SYT17: variants seen among roughly 807,000 people sequenced by gnomAD.
SYT17 encodes synaptotagmin-17.
In SYT17, 22 loss-of-function variants were observed where a neutral mutation model predicts 46.7. That is an observed-to-expected ratio of 0.47 (90% confidence interval 0.34 to 0.67). The LOEUF is 0.67. Among genes scored for constraint, SYT17 ranks in the 30% least tolerant of loss-of-function variants. The pLI is 0.01. For synonymous variants in SYT17, 251 were observed against 248.4 expected (o/e 1.01, Z -0.10); for missense variants, 519 against 612.8 (o/e 0.85, Z 1.62).
intron 5 of SYT17, among the ~76,000 whole-genome samples, chr16:19,203,463 T>C (rs551644915): frequency 3.3e-5 from 5 of 152,244 alleles, no homozygotes; most frequent in South Asian, 2.1e-4. Flanking sequence ...AATGACATAA[T>C]GTGATAAGAA....
intron 7 of SYT17, among the ~76,000 whole-genome samples, chr16:19,250,436 C>T (rs1253493653): frequency 6.6e-6 from 1 of 150,944 alleles, no homozygotes; most frequent in Non-Finnish European, 1.5e-5. Context: ...ATTGCCCAGG[C>T]TGGAGTGCAG....
chr16:19,184,729 C>T (rs1964713961), intron 5 of SYT17, among the ~76,000 whole-genome samples: 1 of 152,010 alleles, frequency 6.6e-6, no homozygotes, highest in South Asian at 2.1e-4. Flanking sequence ...CTCTGGAAGC[C>T]TTTTTTAAAT....
chr16:19,226,062 A>G (rs1440088160), intron 7 of SYT17, among the ~76,000 whole-genome samples: 1 of 152,118 alleles, frequency 6.6e-6, no homozygotes, highest in Non-Finnish European at 1.5e-5. Context: ...TTGTGTTCTA[A>G]TTACAGTATG....
intron 5 of SYT17, among the ~76,000 whole-genome samples, chr16:19,210,606 A>G (rs191393373): frequency 1.3e-5 from 2 of 152,250 alleles, no homozygotes; most frequent in African/African-American, 4.8e-5. Flanking sequence ...CTGGGAAAAA[A>G]AGTGAAGAGA....
intron 7 of SYT17, among the ~76,000 whole-genome samples, chr16:19,259,489 A>G (rs1021421660): frequency 6.6e-6 from 1 of 152,156 alleles, no homozygotes; most frequent in South Asian, 2.1e-4. Flanking sequence ...GTTCCATTCT[A>G]TTGTAGTTTT....
intron 1 of SYT17, chr16:19,171,328 T>TG (rs1304041555): frequency 6.5e-5 from 9 of 138,522 alleles, no homozygotes; most frequent in East Asian, 2.6e-4. Context: ...TGATGATGAT[T>TG]ATGATTATTA....
intron 5 of SYT17, among the ~76,000 whole-genome samples, chr16:19,199,814 C>T (rs6497334): frequency 0.18 from 26,634 of 152,110 alleles, 2,495 homozygotes; most frequent in African/African-American, 0.23. Flanking sequence ...ATAAGAAAAA[C>T]GTCTTTACAT....
At chr16:19,265,477 CT>C (rs934405037) in intron 7 of SYT17, among the ~76,000 whole-genome samples, 22 of 152,056 alleles carry the variant, frequency 1.4e-4, no homozygotes, top group African/African-American at 5.3e-4. Context: ...TTCCATTTTT[CT>C]TTTTTCTCCC....
chr16:19,177,681 A>T (rs1964368752), intron 3 of SYT17, among the ~76,000 whole-genome samples: 1 of 152,050 alleles, frequency 6.6e-6, no homozygotes, highest in Non-Finnish European at 1.5e-5. Context: ...GATCTTGGGG[A>T]TACATTAATT....
rs541551204 is a variant in SYT17 at position 19,184,669 on chromosome 16, GTCTT to G, written c.951+526_951+529del. Among the ~76,000 whole-genome samples the G allele has an allele frequency of 7.9e-5, 12 of 151,890 alleles. No individual in the cohort carries two copies. The South Asian group carries it at 1.9e-3, about 24-fold the overall frequency. ...TTTTACATGCATCACTCATGTGTGT[GTCTT>G]TCTGTGAAAATTTATCACATGTATA... On this transcript the variant is annotated intron_variant, in intron 5 of 7. Coordinates refer to ENST00000355377, the MANE Select transcript of SYT17 (RefSeq NM_016524.4).
chr16:19,205,821 A>G (rs78409159), intron 5 of SYT17, among the ~76,000 whole-genome samples: 6,581 of 152,258 alleles, frequency 0.043, 492 homozygotes, highest in African/African-American at 0.15. Flanking sequence ...ATCACTTTCT[A>G]TCCCCGATGC....
At chr16:19,245,977 A>G (rs1232523608) in intron 7 of SYT17, among the ~76,000 whole-genome samples, 1 of 152,032 alleles carries the variant, frequency 6.6e-6, no homozygotes, top group Non-Finnish European at 1.5e-5. Context: ...ATTATTATTT[A>G]GATATAATTC....
Position 19,168,501 on chromosome 16 carries a change from T to C in SYT17, c.-146T>C. The C allele has an allele frequency of 1.8e-6, 2 of 1,137,592 alleles. No homozygotes were observed. Among genetic ancestry groups the C allele is most frequent in the Middle Eastern group, 5.3e-4 (2 of 3,778 alleles). 70.5% of individuals were successfully genotyped at this position (1,137,592 alleles called of 1,614,324 possible). ...CGGCCGGCGGAGGGGCGGGCGCCGC[T>C]CATCAGCCACGCCAGTCACGTCTGG... On this transcript the variant is annotated 5_prime_UTR_variant, in exon 1 of 8. Transcript: ENST00000355377. This position sits in a 1 kb window ranked among gnomAD's most constrained non-coding sequence, Gnocchi z 6.9.
intron 5 of SYT17, among the ~76,000 whole-genome samples, chr16:19,219,605 A>C (rs3826250): frequency 6.6e-6 from 1 of 151,962 alleles, no homozygotes; most frequent in Admixed American, 6.6e-5. Flanking sequence ...GCAAATGCAC[A>C]CGTAACTGCT....
chr16:19,207,988 G>C (rs932684934), intron 5 of SYT17, among the ~76,000 whole-genome samples: 21 of 152,160 alleles, frequency 1.4e-4, no homozygotes, highest in African/African-American at 4.6e-4. Context: ...GTCAGGAACT[G>C]ATGAATGGCC....
chr16:19,221,289 T>C (rs1340156164), intron 5 of SYT17, among the ~76,000 whole-genome samples: 1 of 151,820 alleles, frequency 6.6e-6, no homozygotes, highest in Non-Finnish European at 1.5e-5. Context: ...GGTGGTGCAC[T>C]GATGGGCCTA....
chr16:19,260,534 G>GAAAAA (rs142511380), intron 7 of SYT17, among the ~76,000 whole-genome samples: 1 of 118,012 alleles, frequency 8.5e-6, no homozygotes, highest in Non-Finnish European at 1.8e-5. Context: ...AAAAAGGAAA[G>GAAAAA]AAAAAAAAAA....
intron 7 of SYT17, among the ~76,000 whole-genome samples, chr16:19,231,491 C>G (rs7197793): frequency 0.35 from 48,095 of 135,780 alleles, 9,099 homozygotes; most frequent in Middle Eastern, 0.46. Context: ...CCATAGCACT[C>G]CAGCCTGGGC....
intron 7 of SYT17, among the ~76,000 whole-genome samples, chr16:19,259,321 T>C (rs575821780): frequency 6.6e-6 from 1 of 152,226 alleles, no homozygotes; most frequent in African/African-American, 2.4e-5. Context: ...TTAACATTTT[T>C]TAACTGTGTT....
Sources: gnomAD v4.1 joint callset for allele counts (sites outside exome capture counted in the v4.1 genomes callset) on GRCh38, gnomAD v4.1.1 for gene constraint, Gnocchi (gnomAD v3.1) non-coding constraint, MANE v1.5 for transcripts, NCBI Gene and HGNC (gene_info 2026-07-23, HGNC 2026-07-21) for gene names.